Variants in PIK3C2A observed in about 807,000 individuals in gnomAD.
PIK3C2A encodes the protein phosphatidylinositol 4-phosphate 3-kinase C2 domain-containing subunit alpha.
PIK3C2A carries 97 observed loss-of-function variants against 204.5 expected under a neutral mutation model. That is an observed-to-expected ratio of 0.47 (90% confidence interval 0.40 to 0.56). The LOEUF (loss-of-function observed/expected upper bound fraction) is 0.56, where lower values mean the gene tolerates loss of function less well. Among genes scored for constraint, PIK3C2A ranks in the 20% least tolerant of loss-of-function variants. The pLI is 0.00. For missense variants in PIK3C2A, 1,735 were observed against 1,969.2 expected (o/e 0.88, Z 2.25); for synonymous variants, 653 against 664.4 (o/e 0.98, Z 0.26).
chr11:17,203,658 T>C (rs939003040), intron 1 of PIK3C2A, among the ~76,000 whole-genome samples: 1 of 151,996 alleles, frequency 6.6e-6, no homozygotes, highest in African/African-American at 2.4e-5. Context: ...CAAGACAGAA[T>C]AGCCTCTAGA....
At chr11:17,119,752 A>G in intron 16 of PIK3C2A, 34 bp downstream of exon 16, 6 of 1,379,520 alleles carry the variant, frequency 4.3e-6, no homozygotes, top group Non-Finnish European at 4.9e-6. Flanking sequence ...AAAACTGACA[A>G]TAAAACAAGA....
At chr11:17,200,184 TCAA>T (rs1852318420) in intron 1 of PIK3C2A, among the ~76,000 whole-genome samples, 2 of 150,160 alleles carry the variant, frequency 1.3e-5, no homozygotes. Context: ...AGACTGCATT[TCAA>T]AAAAAAAAAA....
chr11:17,155,099 G>A (rs746732539), intron 3 of PIK3C2A, among the ~76,000 whole-genome samples: 2 of 152,122 alleles, frequency 1.3e-5, no homozygotes, highest in Non-Finnish European at 2.9e-5. Context: ...CTATAAATGT[G>A]TTTTTCTAAA....
rs566548262 is a variant in PIK3C2A at position 17,092,565 on chromosome 11, G to A, written c.4452-289C>T. Among the ~76,000 whole-genome samples the A allele has an allele frequency of 1.6e-4, 24 of 152,180 alleles. 1 individual carries two copies. The East Asian group carries it at 3.9e-3, about 24-fold the overall frequency. Reference sequence around the variant, plus strand: ...CAGATACCTATAATCCCAGCTACTCGGAAGGCTGAGGCAGAAAAATCACTT... The same window carrying A: ...CAGATACCTATAATCCCAGCTACTCAGAAGGCTGAGGCAGAAAAATCACTT... On this transcript the variant is annotated intron_variant, in intron 28 of 32. Coordinates refer to ENST00000691414, the MANE Select transcript of PIK3C2A (RefSeq NM_002645.4).
intron 5 of PIK3C2A, chr11:17,148,410 C>T: frequency 2.7e-6 from 1 of 369,208 alleles, no homozygotes; most frequent in Non-Finnish European, 5.0e-6. Context: ...TATTAACCAA[C>T]TGCCTGAAAC....
intron 27 of PIK3C2A, among the ~76,000 whole-genome samples, chr11:17,095,120 A>G: frequency 6.6e-6 from 1 of 152,042 alleles, no homozygotes; most frequent in South Asian, 2.1e-4. Flanking sequence ...GTGGTGGCAC[A>G]TGCCTGTAGC....
intron 1 of PIK3C2A, among the ~76,000 whole-genome samples, chr11:17,204,935 T>A (rs1306984602): frequency 2.0e-5 from 3 of 152,166 alleles, no homozygotes; most frequent in African/African-American, 4.8e-5. Context: ...CCCAGTACTT[T>A]GGGAGGGCGA....
intron 1 of PIK3C2A, among the ~76,000 whole-genome samples, chr11:17,173,290 C>T (rs1590993979): frequency 6.6e-6 from 1 of 152,128 alleles, no homozygotes; most frequent in East Asian, 1.9e-4. Context: ...ACCCTTGTCC[C>T]CCATTCCCAT....
At chr11:17,177,260 CAT>C (rs1275642028) in intron 1 of PIK3C2A, among the ~76,000 whole-genome samples, 2 of 152,120 alleles carry the variant, frequency 1.3e-5, no homozygotes, top group African/African-American at 4.8e-5. Context: ...TTAGTTATAA[CAT>C]GTACCAATTT....
In PIK3C2A at chr11:17,169,614, T is replaced by A. The variant is rs759971851; in HGVS notation, c.128A>T (p.Gln43Leu). 5.6e-6 allele frequency: 9 copies of A among 1,614,096 alleles called. No homozygotes were observed. Among genetic ancestry groups the A allele is most frequent in the Non-Finnish European group, 7.6e-6 (9 of 1,180,014 alleles). ...ATTGTCAGTCACTTGTCTATCCTTTTGCAGTTTTGCTAAAGCCTCTGCTTC... is the reference window on the plus strand; with the variant it reads ...ATTGTCAGTCACTTGTCTATCCTTTAGCAGTTTTGCTAAAGCCTCTGCTTC... ...QMEAEALAKLQKDRQVTDNQR... is the reference protein window; with the variant it reads ...QMEAEALAKLLKDRQVTDNQR... The change falls in exon 2 of 33, where the codon CAA becomes CTA. Residue 43 changes from glutamine (Q) to leucine (L), a missense_variant. This residue lies in a region of PIK3C2A where 536 missense variants were observed against 546.7 expected (regional missense o/e 0.98). Transcript: ENST00000691414.
At chr11:17,200,363 T>C (rs1200072783) in intron 1 of PIK3C2A, among the ~76,000 whole-genome samples, 1 of 152,216 alleles carries the variant, frequency 6.6e-6, no homozygotes, top group Non-Finnish European at 1.5e-5. Context: ...TTCTCTGTAC[T>C]ACAATTACAA....
intron 1 of PIK3C2A, among the ~76,000 whole-genome samples, chr11:17,204,068 C>T (rs1007234002): frequency 5.3e-5 from 8 of 150,988 alleles, no homozygotes; most frequent in African/African-American, 2.0e-4. Context: ...AGCGAGACTC[C>T]GTCTCAAAGA....
intron 1 of PIK3C2A, among the ~76,000 whole-genome samples, chr11:17,202,444 C>T (rs1010471693): frequency 2.6e-5 from 4 of 151,412 alleles, no homozygotes; most frequent in Non-Finnish European, 4.4e-5. Context: ...CGTGATGGCA[C>T]GTGCTTGTAG....
At chr11:17,176,305 C>A (rs1013639869) in intron 1 of PIK3C2A, among the ~76,000 whole-genome samples, 15 of 151,732 alleles carry the variant, frequency 9.9e-5, no homozygotes, top group African/African-American at 3.6e-4. Context: ...CTGAGCCCAG[C>A]TGGAACTGAA....
chr11:17,196,838 G>A (rs577207), intron 1 of PIK3C2A, among the ~76,000 whole-genome samples: 86,497 of 151,682 alleles, frequency 0.57, 24,976 homozygotes, highest in East Asian at 0.82. Flanking sequence ...CCAAAGTGCT[G>A]GGATTACAGG....
chr11:17,094,421 A>G (rs1160851947), intron 27 of PIK3C2A, 36 bp from the exon 28 acceptor site: 2 of 1,578,070 alleles, frequency 1.3e-6, no homozygotes, highest in Non-Finnish European at 1.7e-6. Context: ...CATAAAATTT[A>G]TATTTAAAAC....
Position 17,130,831 on chromosome 11 carries a change from A to G in PIK3C2A, c.2231+1085T>C, listed in dbSNP as rs550340818. Among the ~76,000 whole-genome samples, 3 of 151,860 alleles carry G rather than the reference A, an allele frequency of 2.0e-5. No homozygotes were observed. The South Asian group carries it at 6.2e-4, about 31-fold the overall frequency. On this transcript the variant is annotated intron_variant, in intron 12 of 32. Coordinates refer to ENST00000691414, the MANE Select transcript of PIK3C2A (RefSeq NM_002645.4). ...CAAAAAAAAAAAAAAAAGAAAAAAG[A>G]AAAAACACTATTTAAAAAATATGAA...
chr11:17,131,775 G>GAGATATGTCTTAAGACATATCT, intron 12 of PIK3C2A, 141 bp downstream of exon 12: 1 of 726,206 alleles, frequency 1.4e-6, no homozygotes, highest in Non-Finnish European at 2.4e-6. Context: ...ATCATATCTA[G>GAGATATGTCTTAAGACATATCT]AAGAGAGATC....
At chr11:17,156,408 A>C (rs566024063) in intron 2 of PIK3C2A, among the ~76,000 whole-genome samples, 9 of 152,260 alleles carry the variant, frequency 5.9e-5, no homozygotes, top group South Asian at 4.1e-4. Flanking sequence ...GTTTTTTGAG[A>C]CAAGGACTCA....
Sources: allele counts gnomAD v4.1 joint callset (sites outside exome capture counted in the v4.1 genomes callset), GRCh38; gene constraint gnomAD v4.1.1; regional missense constraint gnomAD v4.1.1; transcripts MANE v1.5; gene names NCBI Gene and HGNC (gene_info 2026-07-23, HGNC 2026-07-21).